The following SORCS3 variants were observed in gnomAD, a reference collection of about 807,000 sequenced individuals.
SORCS3 encodes sortilin related VPS10 domain containing receptor 3.
SORCS3 carries 57 observed loss-of-function variants against 146.3 expected under a neutral mutation model. The observed-to-expected ratio is 0.39, with a 90% confidence interval of 0.31 to 0.49. The LOEUF is 0.49. SORCS3 is among the 20% of genes least tolerant of loss of function. The probability of loss-of-function intolerance (pLI) is 0.92; values close to 1 mark genes in which losing one functional copy is unlikely to be tolerated. For missense variants in SORCS3, 1,341 were observed against 1,575.5 expected (o/e 0.85, Z 2.52); for synonymous variants, 653 against 618.5 (o/e 1.06, Z -0.83).
At position 105,047,623 on chromosome 10, in the gene SORCS3, G is replaced by T. The variant is rs184662091; in HGVS notation, c.1028+4495G>T. Among the ~76,000 whole-genome samples, 284 of 152,158 alleles carry T rather than the reference G, an allele frequency of 1.9e-3. 1 individual carries two copies. The highest frequency in any genetic ancestry group is 3.0e-3 in the Non-Finnish European group (207 of 67,988). On this transcript the variant is annotated intron_variant, in intron 5 of 26. Coordinates refer to ENST00000369701, the MANE Select transcript of SORCS3 (RefSeq NM_014978.3). ...AGACATACTATAAGTTCTATATCAG[G>T]CCATGTTAGGCAATGCAGGGAATGT...
At chr10:105,070,535 G>C (rs1204842438) in intron 5 of SORCS3, among the ~76,000 whole-genome samples, 1 of 152,122 alleles carries the variant, frequency 6.6e-6, no homozygotes, top group Admixed American at 6.5e-5. Context: ...CCCAGCCTGT[G>C]ATCAAGGAAC....
At chr10:105,114,290 A>G (rs12358469) in intron 7 of SORCS3, among the ~76,000 whole-genome samples, 32,968 of 152,052 alleles carry the variant, frequency 0.22, 3,713 homozygotes, top group Admixed American at 0.25. Context: ...AAAAATTTAA[A>G]ACACAAGAGG....
chr10:104,917,349 T>A (rs1433004549), intron 3 of SORCS3, among the ~76,000 whole-genome samples: 1 of 152,232 alleles, frequency 6.6e-6, no homozygotes, highest in East Asian at 1.9e-4. Context: ...AATAGTTTCT[T>A]TTAATTTGTT....
intron 3 of SORCS3, among the ~76,000 whole-genome samples, chr10:104,973,232 C>T (rs1404238087): frequency 6.6e-6 from 1 of 152,034 alleles, no homozygotes; most frequent in Admixed American, 6.6e-5. Flanking sequence ...GGAGGATTCC[C>T]TCTTTTTCTA....
chr10:105,264,197 A>T lies in SORCS3; in HGVS notation c.*823A>T, dbSNP rs1405635524. Reference sequence around the variant, plus strand: ...AATTGATAAAGGAAGGACTCTAGTGACATCATAGAACATGGCAGTCGTTTT... The same window carrying T: ...AATTGATAAAGGAAGGACTCTAGTGTCATCATAGAACATGGCAGTCGTTTT... On this transcript the variant is annotated 3_prime_UTR_variant, in exon 27 of 27. Coordinates refer to ENST00000369701, the MANE Select transcript of SORCS3 (RefSeq NM_014978.3). 6.6e-6 allele frequency: 1 copy of T among 152,076 alleles called. No homozygotes were observed. The highest frequency in any genetic ancestry group is 1.5e-5 in the Non-Finnish European group (1 of 68,042). The allele number at this position is 152,076 out of a possible 1,614,324, so 9.4% of individuals were successfully genotyped here.
chr10:105,041,397 G>C (rs1419847849), intron 4 of SORCS3, among the ~76,000 whole-genome samples: 6 of 145,944 alleles, frequency 4.1e-5, no homozygotes, highest in African/African-American at 1.5e-4. Flanking sequence ...AGGCTATTTT[G>C]AGGATTAAAA....
intron 14 of SORCS3, among the ~76,000 whole-genome samples, chr10:105,197,517 G>A (rs2056550453): frequency 6.6e-6 from 1 of 152,154 alleles, no homozygotes; most frequent in South Asian, 2.1e-4. Flanking sequence ...CTGGTGATCT[G>A]GTTAATGTAG....
intron 1 of SORCS3, among the ~76,000 whole-genome samples, chr10:104,704,244 T>C (rs2016312389): frequency 6.6e-6 from 1 of 151,504 alleles, no homozygotes; most frequent in Admixed American, 6.6e-5. Context: ...CATGGCTTAG[T>C]GCAGCCTTGA....
At chr10:105,202,402 A>T (rs972824637) in intron 16 of SORCS3, among the ~76,000 whole-genome samples, 4 of 152,028 alleles carry the variant, frequency 2.6e-5, no homozygotes, top group Non-Finnish European at 4.4e-5. Context: ...GGAGCAGAAA[A>T]TGCAAGAATT....
At chr10:105,245,008 G>T (rs1438392235) in intron 20 of SORCS3, among the ~76,000 whole-genome samples, 1 of 149,554 alleles carries the variant, frequency 6.7e-6, no homozygotes, top group South Asian at 2.1e-4. Flanking sequence ...GGCGGAGGTT[G>T]CAGTGAGCCG....
intron 1 of SORCS3, among the ~76,000 whole-genome samples, chr10:104,715,224 G>A (rs1340630459): frequency 6.6e-6 from 1 of 152,162 alleles, no homozygotes; most frequent in Non-Finnish European, 1.5e-5. Context: ...GAGTAAGGAA[G>A]ATTCCACCCT....
At chr10:104,883,396 G>A (rs2018649723) in intron 2 of SORCS3, among the ~76,000 whole-genome samples, 1 of 152,198 alleles carries the variant, frequency 6.6e-6, no homozygotes, top group East Asian at 1.9e-4. Flanking sequence ...TGTAGATGGT[G>A]TCATTAGATG....
chr10:105,038,296 G>A (rs958675814), intron 4 of SORCS3, among the ~76,000 whole-genome samples: 3 of 152,182 alleles, frequency 2.0e-5, no homozygotes, highest in Admixed American at 1.3e-4. Context: ...AATGTTGCAT[G>A]AAACATGTTG....
chr10:105,080,343 C>T (rs988338096), intron 5 of SORCS3, among the ~76,000 whole-genome samples: 6 of 152,106 alleles, frequency 3.9e-5, no homozygotes, highest in African/African-American at 1.4e-4. Flanking sequence ...GCTTGCTGGC[C>T]ACATATATAT....
intron 4 of SORCS3, among the ~76,000 whole-genome samples, chr10:105,007,915 G>C (rs2055107387): frequency 6.6e-6 from 1 of 152,138 alleles, no homozygotes; most frequent in Non-Finnish European, 1.5e-5. Context: ...CTGGGAAGAA[G>C]TCCCCTCTGG....
chr10:104,883,494 T>C lies in SORCS3; in HGVS notation c.696-32339T>C, dbSNP rs550442462. On this transcript the variant is annotated intron_variant, in intron 2 of 26. Transcript: ENST00000369701. Reference sequence around the variant, plus strand: ...AAGAAAGATAAAGAAAACTCTGAAATATGTACTTTTAAAGGCAAAACCTTA... The same window carrying C: ...AAGAAAGATAAAGAAAACTCTGAAACATGTACTTTTAAAGGCAAAACCTTA... Among the ~76,000 whole-genome samples, 508 of 152,238 alleles carry C rather than the reference T, an allele frequency of 3.3e-3. 2 individuals carry two copies. Among genetic ancestry groups the C allele is most frequent in the South Asian group, 0.018 (88 of 4,816 alleles).
intron 5 of SORCS3, among the ~76,000 whole-genome samples, chr10:105,049,010 AT>A (rs2055393303): frequency 6.6e-6 from 1 of 152,002 alleles, no homozygotes; most frequent in Non-Finnish European, 1.5e-5. Flanking sequence ...ATTTTTGATG[AT>A]CATAAGTAAT....
chr10:104,915,713 C>G, intron 2 of SORCS3, 120 bp from the exon 3 acceptor site: 1 of 765,510 alleles, frequency 1.3e-6, no homozygotes, highest in Non-Finnish European at 2.3e-6. Context: ...ATCTCTGAAG[C>G]ACTCATATGA....
chr10:105,182,052 A>G (rs1486813905), intron 14 of SORCS3, among the ~76,000 whole-genome samples: 2 of 151,912 alleles, frequency 1.3e-5, no homozygotes, highest in Non-Finnish European at 2.9e-5. Context: ...TACAGGGGCC[A>G]AAGAGAACCT....
Sources: gnomAD v4.1 joint callset for allele counts (sites outside exome capture counted in the v4.1 genomes callset) on GRCh38, gnomAD v4.1.1 for gene constraint, MANE v1.5 for transcripts, NCBI Gene and HGNC (gene_info 2026-07-23, HGNC 2026-07-21) for gene names.